SVOP: variants seen among roughly 807,000 people sequenced by gnomAD.
The protein encoded by SVOP is synaptic vesicle 2-related protein.
In SVOP, 17 loss-of-function variants were observed where a neutral mutation model predicts 69.1. The observed-to-expected ratio is 0.25, with a 90% CI of 0.17 to 0.37. The LOEUF is 0.37. Among genes scored for constraint, SVOP ranks in the 10% least tolerant of loss-of-function variants. The probability of loss-of-function intolerance (pLI) is 1.00; values close to 1 mark genes in which losing one functional copy is unlikely to be tolerated. For missense variants in SVOP, 435 were observed against 597.5 expected (o/e 0.73, Z 2.84); for synonymous variants, 238 against 238.6 (o/e 1.00, Z 0.02).
chr12:108,932,873 TATA>T (rs1486043950), intron 11 of SVOP, among the ~76,000 whole-genome samples: 5 of 152,074 alleles, frequency 3.3e-5, no homozygotes, highest in African/African-American at 1.2e-4. Context: ...TACTCCCAAA[TATA>T]ATTCTTTTTT....
chr12:109,018,543 G>A (rs993116043), intron 1 of SVOP, among the ~76,000 whole-genome samples: 2 of 152,056 alleles, frequency 1.3e-5, no homozygotes, highest in South Asian at 2.1e-4. Context: ...TAGCCATATT[G>A]CTCTCGGGAA....
intron 5 of SVOP, among the ~76,000 whole-genome samples, chr12:108,971,741 G>A (rs918606014): frequency 5.3e-5 from 8 of 152,126 alleles, no homozygotes; most frequent in Non-Finnish European, 1.0e-4. Flanking sequence ...AGACACTGGA[G>A]CTCAGTCCTG....
intron 1 of SVOP, among the ~76,000 whole-genome samples, chr12:108,995,109 C>T (rs559894046): frequency 5.3e-5 from 8 of 151,320 alleles, no homozygotes; most frequent in Admixed American, 5.3e-4. Flanking sequence ...CACACCACAG[C>T]ATTCCAGCCT....
intron 1 of SVOP, among the ~76,000 whole-genome samples, chr12:109,001,513 C>A (rs1396788426): frequency 1.4e-5 from 2 of 147,658 alleles, no homozygotes; most frequent in African/African-American, 5.0e-5. Context: ...CAATCCTAAG[C>A]CAAAAGAACA....
intron 1 of SVOP, among the ~76,000 whole-genome samples, chr12:109,010,162 AAT>A (rs1371388776): frequency 6.6e-6 from 1 of 151,856 alleles, no homozygotes; most frequent in Admixed American, 6.6e-5. Context: ...TAATTAAATA[AAT>A]AAGTTAATAA....
intron 1 of SVOP, among the ~76,000 whole-genome samples, chr12:109,002,203 A>C (rs2040275627): frequency 2.0e-5 from 1 of 50,798 alleles, no homozygotes; most frequent in African/African-American, 5.7e-5. Flanking sequence ...AAACACATGA[A>C]AAAATGCTCA....
chr12:108,980,955 G>A (rs1312794822), intron 2 of SVOP, among the ~76,000 whole-genome samples: 2 of 152,116 alleles, frequency 1.3e-5, no homozygotes, highest in African/African-American at 4.8e-5. Flanking sequence ...GGAGGATGCT[G>A]GGTGGCCCCG....
At chr12:109,020,152 T>C (rs1369799218) in intron 1 of SVOP, among the ~76,000 whole-genome samples, 1 of 152,182 alleles carries the variant, frequency 6.6e-6, no homozygotes, top group African/African-American at 2.4e-5. Context: ...TTCCCCCAGA[T>C]TCTCAGAGCA....
At chr12:108,916,753 A>C (rs1310842335) in intron 14 of SVOP, among the ~76,000 whole-genome samples, 1 of 152,092 alleles carries the variant, frequency 6.6e-6, no homozygotes, top group Non-Finnish European at 1.5e-5. Flanking sequence ...TTATTTACTT[A>C]TTTATTTGAG....
rs1231895508 is a variant in SVOP at position 108,912,615 on chromosome 12, G to A, written c.1567C>T (p.Arg523Trp). ...KGRGLQESSH[R>W]EWGQEMVGRG... is the part of the protein sequence containing the mutation. ...CCGACCATCTCCTGGCCCCACTCCC[G>A]GTGGCTGGACTCCTGCAGTCCTCGG... Residue 523 changes from arginine to tryptophan, a missense_variant, in exon 16 of 16, where the codon CGG becomes TGG. Arg to Trp is a moderately radical substitution (Grantham distance 101). Coordinates refer to ENST00000610966, the MANE Select transcript of SVOP (RefSeq NM_018711.5). The A allele has an allele frequency of 8.1e-6, 13 of 1,613,740 alleles. No individual in the cohort carries two copies. Among genetic ancestry groups the A allele is most frequent in the East Asian group, 2.2e-5 (1 of 44,884 alleles).
Position 108,950,389 on chromosome 12 carries a change from C to CT in SVOP, c.579-5224dup, listed in dbSNP as rs2039947868. ...CCACCATGCCTGGCCAAGAATTACTCTTTTTTTCTTTTGAGACAGCGTCTC... is the reference window on the plus strand; with the variant it reads ...CCACCATGCCTGGCCAAGAATTACTCTTTTTTTTCTTTTGAGACAGCGTCTC... On this transcript the variant is annotated intron_variant, in intron 6 of 15. Coordinates refer to ENST00000610966, the MANE Select transcript of SVOP (RefSeq NM_018711.5). 5.4e-5 allele frequency among the ~76,000 whole-genome samples: 8 copies of CT among 148,512 alleles called. 1 individual carries two copies. The South Asian group carries it at 1.7e-3, about 32-fold the overall frequency.
chr12:108,945,613 C>T (rs529704996), intron 6 of SVOP, among the ~76,000 whole-genome samples: 11 of 152,142 alleles, frequency 7.2e-5, no homozygotes, highest in African/African-American at 2.4e-4. Flanking sequence ...TCTCGAACTC[C>T]TGGCCTCAAG....
intron 4 of SVOP, 141 bp from the exon 5 acceptor site, chr12:108,972,617 C>A (rs887309941): frequency 3.6e-6 from 3 of 833,390 alleles, no homozygotes; most frequent in African/African-American, 1.7e-5. Flanking sequence ...AAGGGGCAAA[C>A]ACTAAGTGCT....
At chr12:108,931,621 C>T (rs569870065) in intron 11 of SVOP, among the ~76,000 whole-genome samples, 1 of 152,140 alleles carries the variant, frequency 6.6e-6, no homozygotes, top group South Asian at 2.1e-4. Flanking sequence ...ATCACGAGGT[C>T]AAGAGATTGA....
intron 1 of SVOP, among the ~76,000 whole-genome samples, chr12:108,996,711 G>T (rs117370025): frequency 6.6e-6 from 1 of 151,918 alleles, no homozygotes; most frequent in Non-Finnish European, 1.5e-5. Flanking sequence ...CTGGAAGATC[G>T]CTTGAGCCCA....
intron 1 of SVOP, among the ~76,000 whole-genome samples, chr12:109,005,731 G>T (rs1197173431): frequency 1.3e-5 from 2 of 152,154 alleles, no homozygotes; most frequent in Non-Finnish European, 2.9e-5. Context: ...AAAAGTGAGT[G>T]ATCAGAAAAG....
rs779856147 is a variant in SVOP, at chr12:109,020,910, A to G, written c.-42T>C. 1.1e-4 allele frequency: 81 copies of G among 709,878 alleles called. 2 individuals are homozygous for G. Among genetic ancestry groups the G allele is most frequent in the South Asian group, 1.1e-3 (73 of 66,900 alleles). 44.0% of individuals were successfully genotyped at this position (709,878 alleles called of 1,614,324 possible). A position where few individuals can be genotyped will look rare whatever the true frequency, so the allele number is the denominator to read the frequency against. On this transcript the variant is annotated 5_prime_UTR_variant, in exon 1 of 16. An upstream start codon of the reference 5' UTR is lost. Transcript: ENST00000610966. Reference sequence around the variant, plus strand: ...GATGAGCCCTTCTCATGGCCCTTACATGGTAGTGGTGGATGACGAGCCCTC... The same window carrying G: ...GATGAGCCCTTCTCATGGCCCTTACGTGGTAGTGGTGGATGACGAGCCCTC...
At chr12:108,922,605 G>C in intron 12 of SVOP, 85 bp downstream of exon 12, 1 of 979,654 alleles carries the variant, frequency 1.0e-6, no homozygotes, top group Non-Finnish European at 1.6e-6. Context: ...TTTGCTTCCA[G>C]GTAGGGTAGA....
chr12:109,018,588 G>T (rs898943820), intron 1 of SVOP, among the ~76,000 whole-genome samples: 1 of 152,028 alleles, frequency 6.6e-6, no homozygotes, highest in South Asian at 2.1e-4. Flanking sequence ...AATATACGAA[G>T]GGTGTGGTTT....
Sources: gnomAD v4.1 joint callset for allele counts (sites outside exome capture counted in the v4.1 genomes callset) on GRCh38, gnomAD v4.1.1 for gene constraint, MANE v1.5 for transcripts, NCBI Gene and HGNC (gene_info 2026-07-23, HGNC 2026-07-21) for gene names.